TOP1: variants seen among roughly 807,000 people sequenced by gnomAD.
The protein encoded by TOP1 is DNA topoisomerase I.
TOP1 carries 10 observed loss-of-function variants against 111.1 expected under a neutral mutation model. The observed-to-expected ratio is 0.09, with a 90% CI of 0.06 to 0.15. The LOEUF is 0.15. Ranked by LOEUF, TOP1 falls within the 10% of genes least tolerant of loss-of-function variation. TOP1 has a pLI of 1.00. For synonymous variants in TOP1, 271 were observed against 302.9 expected, an observed-to-expected ratio of 0.89 and a Z score of 1.10; for missense variants, 474 against 926.7, an observed-to-expected ratio of 0.51 and a Z score of 6.34.
In TOP1 at chr20:41,121,037, T is replaced by C. The variant is rs556346225; in HGVS notation, c.1951-659T>C. Among the ~76,000 whole-genome samples, 3 of 152,314 alleles carry C rather than the reference T, an allele frequency of 2.0e-5. No individual in the cohort carries two copies. Among genetic ancestry groups the C allele is most frequent in the Middle Eastern group, 6.8e-3 (2 of 294 alleles). ...GATTACAGGCGTGAGACACCGCGCC[T>C]GGTGACCGCTCTCCTTTTAAAAACA... is the stretch of plus-strand genomic sequence containing the variant. On this transcript the variant is annotated intron_variant, in intron 18 of 20. Coordinates refer to ENST00000361337, the MANE Select transcript of TOP1 (RefSeq NM_003286.4). This position sits in a 1 kb window ranked among gnomAD's most constrained non-coding sequence, Gnocchi z 4.2.
rs1202603055 is a variant in TOP1 at position 41,067,657 on chromosome 20, A to G, written c.155+6167A>G. On this transcript the variant is annotated intron_variant, in intron 3 of 20. Coordinates refer to ENST00000361337, the MANE Select transcript of TOP1 (RefSeq NM_003286.4). The surrounding 1 kb of genome is among the most constrained non-coding windows in gnomAD (Gnocchi z 4.0). ...TGTGGCCATTTGTTAGGAGAAAACAAGTGTTTCAGATGTGTTTCTGTGTCC... is the reference window on the plus strand; with the variant it reads ...TGTGGCCATTTGTTAGGAGAAAACAGGTGTTTCAGATGTGTTTCTGTGTCC... Among the ~76,000 whole-genome samples, 1 of 152,184 alleles carries G rather than the reference A, an allele frequency of 6.6e-6. No individual in the cohort carries two copies. The highest frequency in any genetic ancestry group is 1.9e-4 in the East Asian group (1 of 5,192).
At chr20:41,050,906 T>TA (rs398088618) in intron 2 of TOP1, among the ~76,000 whole-genome samples, 1 of 152,168 alleles carries the variant, frequency 6.6e-6, no homozygotes, top group Admixed American at 6.5e-5. Flanking sequence ...TTGATTTTTT[T>TA]AAAACTTCTG....
chr20:41,099,834 T>C (rs1478804233), intron 11 of TOP1, among the ~76,000 whole-genome samples: 1 of 152,208 alleles, frequency 6.6e-6, no homozygotes, highest in Non-Finnish European at 1.5e-5. Context: ...AGAATCAGTT[T>C]TGAATCTAGT....
rs373556385 is a variant in TOP1, at chr20:41,113,921, G to A, written c.1453-49G>A. 3 of 1,376,432 alleles carry A rather than the reference G, an allele frequency of 2.2e-6. No homozygotes were observed. In the African/African-American group the frequency reaches 4.4e-5, roughly 20 times the overall value. The allele number at this position is 1,376,432 out of a possible 1,614,324, so 85.3% of individuals were successfully genotyped here. A position where few individuals can be genotyped will look rare whatever the true frequency, so the allele number is the denominator to read the frequency against. ...AAAACACAGAACGAAATTGTGTAAG[G>A]ATCATGTCTCTTCCATTCATGCTCA... On this transcript the variant is annotated intron_variant, in intron 14 of 20. Coordinates refer to ENST00000361337, the MANE Select transcript of TOP1 (RefSeq NM_003286.4).
At chr20:41,072,181 A>C (rs1418536259) in intron 3 of TOP1, 9 of 944,690 alleles carry the variant, frequency 9.5e-6, no homozygotes, top group Non-Finnish European at 1.1e-5. Context: ...TTCAGCCTCT[A>C]ACCTGGCTAA....
rs1310261518 is a variant in TOP1, at chr20:41,071,087, T to C, written c.156-5084T>C. ...AAATGGTTTCCCATAGCCAACATTC[T>C]AGCTTTCCAGAATATCAGTATTTTG... On this transcript the variant is annotated intron_variant, in intron 3 of 20. Coordinates refer to ENST00000361337, the MANE Select transcript of TOP1 (RefSeq NM_003286.4). This position sits in a 1 kb window ranked among gnomAD's most constrained non-coding sequence, Gnocchi z 4.3. Among the ~76,000 whole-genome samples, 2 of 152,216 alleles carry C rather than the reference T, an allele frequency of 1.3e-5. No homozygotes were observed. The highest frequency in any genetic ancestry group is 2.1e-4 in the South Asian group (1 of 4,830).
chr20:41,057,534 A>G (rs1353175333), intron 2 of TOP1, among the ~76,000 whole-genome samples: 1 of 152,206 alleles, frequency 6.6e-6, no homozygotes, highest in Non-Finnish European at 1.5e-5. Context: ...GTATTTGTCA[A>G]GATAAATTTT....
Position 41,092,478 on chromosome 20 carries a change from AG to A in TOP1, c.622del (p.Glu208LysfsTer13). The stretch of plus-strand genomic sequence containing the variant: ...TGTGCTTTGTCTTTTAAAGGTGGGA[AG>A]AAGAGCGCTATCCTGAAGGCATCAA... ...EEEQKWKWWE[E>X]ERYPEGIKWK... On this transcript the variant is annotated frameshift_variant, in exon 9 of 21. Coordinates refer to ENST00000361337, the MANE Select transcript of TOP1 (RefSeq NM_003286.4). LOFTEE classifies it high-confidence loss of function. The surrounding 1 kb of genome is among the most constrained non-coding windows in gnomAD (Gnocchi z 4.3). The A allele has an allele frequency of 6.4e-7, 1 of 1,559,702 alleles. No individual in the cohort carries two copies. Among genetic ancestry groups the A allele is most frequent in the Non-Finnish European group, 8.7e-7 (1 of 1,151,846 alleles).
Position 41,077,544 on chromosome 20 carries a change from C to G in TOP1, c.280-38C>G, listed in dbSNP as rs772957410. The stretch of plus-strand genomic sequence containing the variant: ...AAAAAGAGGTTTCTTCAAATTTAGT[C>G]CTTTCAAGGTACTAGTTACTGTTGT... On this transcript the variant is annotated intron_variant, in intron 4 of 20. Coordinates refer to ENST00000361337, the MANE Select transcript of TOP1 (RefSeq NM_003286.4). 1.1e-5 allele frequency: 17 copies of G among 1,560,354 alleles called. No individual in the cohort carries two copies. In the South Asian group the frequency reaches 1.9e-4, roughly 17 times the overall value.
chr20:41,041,334 CA>C (rs1163299533), intron 2 of TOP1, among the ~76,000 whole-genome samples: 1 of 150,592 alleles, frequency 6.6e-6, no homozygotes, highest in Non-Finnish European at 1.5e-5. Flanking sequence ...CCTACAGTCC[CA>C]GCTACTTGGG....
At chr20:41,113,899 A>AAC in intron 14 of TOP1, 71 bp from the exon 15 acceptor site, 1 of 1,202,046 alleles carries the variant, frequency 8.3e-7, no homozygotes, top group Non-Finnish European at 1.1e-6. Flanking sequence ...AAAAAAAAAA[A>AAC]CACAGAACGA....
At chr20:41,089,042 T>TTTTTTTTA (rs2033885335) in intron 8 of TOP1, among the ~76,000 whole-genome samples, 4 of 132,320 alleles carry the variant, frequency 3.0e-5, no homozygotes, top group Non-Finnish European at 4.8e-5. Context: ...TTTTTTTTTT[T>TTTTTTTTA]GAGACAGAGT....
intron 2 of TOP1, among the ~76,000 whole-genome samples, chr20:41,035,319 C>T (rs2033171590): frequency 1.3e-5 from 2 of 152,148 alleles, no homozygotes; most frequent in African/African-American, 4.8e-5. Context: ...CTACCCTTCC[C>T]ATCAGATTTG....
rs1221122980 is a variant in TOP1 at position 41,079,596 on chromosome 20, A to G, written c.336-489A>G. ...CTTGGTTATTTTTCCATGTAGCTAG[A>G]TATACATGTACGTTATTGCCACATT... On this transcript the variant is annotated intron_variant, in intron 5 of 20. Coordinates refer to ENST00000361337, the MANE Select transcript of TOP1 (RefSeq NM_003286.4). This position sits in a 1 kb window ranked among gnomAD's most constrained non-coding sequence, Gnocchi z 4.0. Among the ~76,000 whole-genome samples, 2 of 152,144 alleles carry G rather than the reference A, an allele frequency of 1.3e-5. No homozygotes were observed. The highest frequency in any genetic ancestry group is 2.9e-5 in the Non-Finnish European group (2 of 68,026).
At position 41,089,073 on chromosome 20, in the gene TOP1, G is replaced by C. The variant is rs528047733; in HGVS notation, c.615-3399G>C. Among the ~76,000 whole-genome samples the C allele has an allele frequency of 3.9e-4, 48 of 124,416 alleles. 2 individuals carry two copies. In the South Asian group the frequency reaches 9.5e-3, roughly 25 times the overall value. The allele number at this position is 124,416 out of a possible 152,430, so 81.6% of individuals were successfully genotyped here. A position where few individuals can be genotyped will look rare whatever the true frequency, so the allele number is the denominator to read the frequency against. The stretch of plus-strand genomic sequence containing the variant: ...AGAGTCTCGCTCTGTCGCCCAGGTT[G>C]GAGTGCAGTGGTGTGATCTCAGTTC... On this transcript the variant is annotated intron_variant, in intron 8 of 20. Transcript: ENST00000361337.
At position 41,071,819 on chromosome 20, in the gene TOP1, G is replaced by T. The variant is rs904657587; in HGVS notation, c.156-4352G>T. 6.6e-6 allele frequency among the ~76,000 whole-genome samples: 1 copy of T among 152,182 alleles called. No individual in the cohort carries two copies. The highest frequency in any genetic ancestry group is 1.9e-4 in the East Asian group (1 of 5,194). ...CATACAGATGCAAACTATGAACCAA[G>T]AAGTCAGCATCTATGCCTAGCCAAT... On this transcript the variant is annotated intron_variant, in intron 3 of 20. Coordinates refer to ENST00000361337, the MANE Select transcript of TOP1 (RefSeq NM_003286.4). This position sits in a 1 kb window ranked among gnomAD's most constrained non-coding sequence, Gnocchi z 4.3.
intron 2 of TOP1, among the ~76,000 whole-genome samples, chr20:41,036,752 G>T (rs955601915): frequency 6.6e-6 from 1 of 151,972 alleles, no homozygotes; most frequent in Non-Finnish European, 1.5e-5. Flanking sequence ...GTTACAAAGC[G>T]GTCACTGTAA....
intron 8 of TOP1, among the ~76,000 whole-genome samples, chr20:41,087,440 C>G (rs2033862396): frequency 6.6e-6 from 1 of 152,224 alleles, no homozygotes; most frequent in Non-Finnish European, 1.5e-5. Context: ...AAAGAATTAC[C>G]TGGCGAGTTT....
Position 41,112,669 on chromosome 20 carries a change from C to A in TOP1, c.1309-113C>A. The A allele has an allele frequency of 8.5e-7, 1 of 1,170,498 alleles. No homozygotes were observed. The highest frequency in any genetic ancestry group is 1.2e-6 in the Non-Finnish European group (1 of 825,320). The allele number at this position is 1,170,498 out of a possible 1,614,324, so 72.5% of individuals were successfully genotyped here. On this transcript the variant is annotated intron_variant, in intron 13 of 20. Transcript: ENST00000361337. The surrounding 1 kb of genome is among the most constrained non-coding windows in gnomAD (Gnocchi z 5.8). ...TCAAGCAATTCTTGTGTCTTAGCCT[C>A]CCTATTAGCTAGCTGGGATTATAGG...
Sources: gnomAD v4.1 joint callset for allele counts (sites outside exome capture counted in the v4.1 genomes callset) on GRCh38, gnomAD v4.1.1 for gene constraint, Gnocchi (gnomAD v3.1) non-coding constraint, MANE v1.5 for transcripts, NCBI Gene and HGNC (gene_info 2026-07-23, HGNC 2026-07-21) for gene names.